LPCAT3: variants seen among roughly 807,000 people sequenced by gnomAD.
LPCAT3 encodes lysophosphatidylcholine acyltransferase 3.
LPCAT3 carries 21 observed loss-of-function variants against 63.4 expected under a neutral mutation model. The ratio of observed to expected loss-of-function variants is 0.33; its 90% CI spans 0.23 to 0.48. LPCAT3 has a LOEUF of 0.48. Ranked by LOEUF, LPCAT3 falls within the 20% of genes least tolerant of loss-of-function variation. The probability of loss-of-function intolerance (pLI) is 0.99; values close to 1 mark genes in which losing one functional copy is unlikely to be tolerated. For missense variants in LPCAT3, 451 were observed against 590.6 expected (o/e 0.76, Z 2.45); for synonymous variants, 242 against 227.5 (o/e 1.06, Z -0.58).
At chr12:6,981,741 C>T in intron 4 of LPCAT3, 70 bp downstream of exon 4, 1 of 1,440,958 alleles carries the variant, frequency 6.9e-7, no homozygotes, top group Middle Eastern at 1.8e-4. Context: ...AGGGGGGGTG[C>T]CGAGGAAGTT....
chr12:6,985,263 G>C (rs1385001527), intron 1 of LPCAT3, among the ~76,000 whole-genome samples: 3 of 151,986 alleles, frequency 2.0e-5, no homozygotes, highest in Non-Finnish European at 2.9e-5. Context: ...GGGTGTGGTG[G>C]CGGGCGCCTA....
chr12:7,004,720 C>G (rs1476628095), intron 1 of LPCAT3, among the ~76,000 whole-genome samples: 1 of 152,200 alleles, frequency 6.6e-6, no homozygotes, highest in East Asian at 1.9e-4. Flanking sequence ...CCTCTCCTGG[C>G]TGATAGTATC....
At chr12:7,013,464 G>A (rs782711024) in intron 1 of LPCAT3, among the ~76,000 whole-genome samples, 20 of 152,328 alleles carry the variant, frequency 1.3e-4, no homozygotes, top group Non-Finnish European at 1.2e-4. Context: ...GGCTACTTGG[G>A]TGGTGCTGGT....
intron 1 of LPCAT3, among the ~76,000 whole-genome samples, chr12:7,014,528 A>G (rs1555157426): frequency 6.6e-6 from 1 of 152,136 alleles, no homozygotes; most frequent in Non-Finnish European, 1.5e-5. Context: ...TGACTGCTCA[A>G]AATACTCCAG....
Position 6,979,454 on chromosome 12 carries a change from C to T in LPCAT3, c.786+17G>A. Reference sequence around the variant, plus strand: ...CTCTGGTGCAGTCATGCTGCTGCTGCTTTAGTAGACACTCACGTCATAGTC... The same window carrying T: ...CTCTGGTGCAGTCATGCTGCTGCTGTTTTAGTAGACACTCACGTCATAGTC... On this transcript the variant is annotated intron_variant, in intron 7 of 12. Coordinates refer to ENST00000261407, the MANE Select transcript of LPCAT3 (RefSeq NM_005768.6). 1 of 1,572,866 alleles carries T rather than the reference C, an allele frequency of 6.4e-7. No homozygotes were observed. The highest frequency in any genetic ancestry group is 8.8e-7 in the Non-Finnish European group (1 of 1,142,482).
chr12:7,016,090 T>C (rs1555157595), intron 1 of LPCAT3, among the ~76,000 whole-genome samples: 1 of 151,974 alleles, frequency 6.6e-6, no homozygotes, highest in Non-Finnish European at 1.5e-5. Context: ...AACTAATGAA[T>C]GTAATACAAT....
At chr12:7,013,215 T>G (rs1946777176) in intron 1 of LPCAT3, among the ~76,000 whole-genome samples, 1 of 152,202 alleles carries the variant, frequency 6.6e-6, no homozygotes, top group African/African-American at 2.4e-5. Flanking sequence ...GGTAAGCGTG[T>G]GCAAAGGCTC....
intron 6 of LPCAT3, chr12:6,980,021 C>CTTTTTTTTTTTTTTTTTTTTTTTT (rs34110645): frequency 8.1e-6 from 1 of 122,838 alleles, no homozygotes; most frequent in Non-Finnish European, 1.8e-5. Flanking sequence ...GGCAATTAAA[C>CTTTTTTTTTTTTTTTTTTTTTTTT]TTTTTTTTTT....
At chr12:7,008,469 T>C (rs1946741317) in intron 1 of LPCAT3, among the ~76,000 whole-genome samples, 1 of 152,192 alleles carries the variant, frequency 6.6e-6, no homozygotes, top group Non-Finnish European at 1.5e-5. Flanking sequence ...TTGTTAAAGC[T>C]ACAAGTCACA....
Position 7,018,191 on chromosome 12 carries a change from G to A in LPCAT3, c.151+83C>T. 1 of 1,516,452 alleles carries A rather than the reference G, an allele frequency of 6.6e-7. No homozygotes were observed. The highest frequency in any genetic ancestry group is 1.2e-5 in the South Asian group (1 of 83,172). 93.9% of individuals were successfully genotyped at this position (1,516,452 alleles called of 1,614,324 possible). Reference sequence around the variant, plus strand: ...GCACAGCCCTCCCGGGTGGCTCCGGGAAGAGAGGGAGGTCCTGTCCCCATT... The same window carrying A: ...GCACAGCCCTCCCGGGTGGCTCCGGAAAGAGAGGGAGGTCCTGTCCCCATT... On this transcript the variant is annotated intron_variant, in intron 1 of 12. Coordinates refer to ENST00000261407, the MANE Select transcript of LPCAT3 (RefSeq NM_005768.6). This position sits in a 1 kb window ranked among gnomAD's most constrained non-coding sequence, Gnocchi z 4.9.
At position 6,998,790 on chromosome 12, in the gene LPCAT3, A is replaced by C. The variant is rs73264648; in HGVS notation, c.152-15251T>G. Among the ~76,000 whole-genome samples, 620 of 152,362 alleles carry C rather than the reference A, an allele frequency of 4.1e-3. 4 individuals are homozygous for C. Among genetic ancestry groups the C allele is most frequent in the African/African-American group, 0.013 (561 of 41,582 alleles). On this transcript the variant is annotated intron_variant, in intron 1 of 12. Coordinates refer to ENST00000261407, the MANE Select transcript of LPCAT3 (RefSeq NM_005768.6). ...CAGCAATCCTGTACACCTTGGGCTG[A>C]GTCATATGCTGAACAGTTATTCATG...
chr12:6,990,878 C>G (rs1352015984), intron 1 of LPCAT3, among the ~76,000 whole-genome samples: 1 of 138,804 alleles, frequency 7.2e-6, no homozygotes, highest in African/African-American at 2.9e-5. Flanking sequence ...GATCACGCCA[C>G]TGTGCTCCAG....
chr12:6,996,838 A>G (rs1361665192), intron 1 of LPCAT3, among the ~76,000 whole-genome samples: 3 of 152,256 alleles, frequency 2.0e-5, no homozygotes, highest in Non-Finnish European at 1.5e-5. Context: ...GTTCTTGAAC[A>G]GAGAAGAGAT....
At chr12:6,979,603 C>T in intron 6 of LPCAT3, 24 bp from the exon 7 acceptor site, 1 of 1,515,118 alleles carries the variant, frequency 6.6e-7, no homozygotes. Flanking sequence ...AGTGAAGTTC[C>T]TGGTCACAGA....
At chr12:6,984,012 C>A (rs1180499357) in intron 1 of LPCAT3, among the ~76,000 whole-genome samples, 2 of 152,164 alleles carry the variant, frequency 1.3e-5, no homozygotes, top group African/African-American at 4.8e-5. Flanking sequence ...TGAGCGTACC[C>A]ATCTATGCTC....
At position 6,981,823 on chromosome 12, in the gene LPCAT3, A is replaced by G; in HGVS notation, c.448T>C (p.Leu150=). ...KWTMPHCVLT[L]KLIGLAVDYF... ...GACCATCACTCACCAATCAGCTTCA[A>G]AGTCAGAACACAATGTGGCATTGTC... Residue 150 remains leucine (L), a synonymous_variant, in exon 4 of 13, where the codon TTG becomes CTG. Transcript: ENST00000261407. The G allele has an allele frequency of 6.2e-7, 1 of 1,613,454 alleles. No individual in the cohort carries two copies. The highest frequency in any genetic ancestry group is 8.5e-7 in the Non-Finnish European group (1 of 1,179,350).
rs370471911 is a variant in LPCAT3, at chr12:6,978,618, G to A, written c.858C>T (p.Thr286=). 8.9e-5 allele frequency: 143 copies of A among 1,614,050 alleles called. No individual in the cohort carries two copies. The highest frequency in any genetic ancestry group is 1.2e-4 in the Non-Finnish European group (142 of 1,180,032). ...WGKFVLYKYV[T]CWLVTEGVCI... ...TTCTACTTACTGTGACCAGCCAACA[G>A]GTGACATATTTGTACAGCACAAACT... The change falls in exon 8 of 13, where the codon ACC becomes ACT. Residue 286 remains threonine, a synonymous_variant. Coordinates refer to ENST00000261407, the MANE Select transcript of LPCAT3 (RefSeq NM_005768.6).
Position 6,979,492 on chromosome 12 carries a change from A to T in LPCAT3, c.765T>A (p.Tyr255Ter). Residue 255 changes from tyrosine to a stop codon, truncating the protein, a stop_gained, in exon 7 of 13, where the codon TAT (tyrosine) becomes TAA (stop). Transcript: ENST00000261407. LOFTEE classifies it high-confidence loss of function. The part of the protein sequence containing the change: ...TLLSPHITED[Y>*]LLTEDYDNHP... Reference sequence around the variant, plus strand: ...TCACGTCATAGTCTTCAGTGAGGAGATAGTCTTCTGTGATGTGGGGGCTGA... The same window carrying T: ...TCACGTCATAGTCTTCAGTGAGGAGTTAGTCTTCTGTGATGTGGGGGCTGA... 2 of 1,613,228 alleles carry T rather than the reference A, an allele frequency of 1.2e-6. No homozygotes were observed. Among genetic ancestry groups the T allele is most frequent in the Non-Finnish European group, 1.7e-6 (2 of 1,179,218 alleles).
At chr12:6,988,902 G>A (rs949006616) in intron 1 of LPCAT3, among the ~76,000 whole-genome samples, 2 of 152,016 alleles carry the variant, frequency 1.3e-5, no homozygotes, top group African/African-American at 4.8e-5. Flanking sequence ...CGAGGCAGGC[G>A]GATCACCTGA....
Sources: allele counts gnomAD v4.1 joint callset (sites outside exome capture counted in the v4.1 genomes callset), GRCh38; gene constraint gnomAD v4.1.1; non-coding constraint Gnocchi (gnomAD v3.1); transcripts MANE v1.5; gene names NCBI Gene and HGNC (gene_info 2026-07-23, HGNC 2026-07-21).